The following PRMT8 variants were observed in gnomAD, a reference collection of about 807,000 sequenced individuals.
PRMT8 encodes the protein protein arginine N-methyltransferase 8.
Under a neutral mutation model 47.1 loss-of-function variants are expected in PRMT8, and 7 were observed. The observed-to-expected ratio is 0.15, with a 90% CI of 0.08 to 0.28. The LOEUF (loss-of-function observed/expected upper bound fraction) is 0.28, where lower values mean the gene tolerates loss of function less well. PRMT8 is among the 10% of genes least tolerant of loss of function. The pLI, the probability that PRMT8 is intolerant of heterozygous loss-of-function variation, is 1.00. For synonymous variants in PRMT8, 188 were observed against 186.5 expected (o/e 1.01, Z -0.07); for missense variants, 237 against 505.4 (o/e 0.47, Z 5.09).
rs981024692 is a variant in PRMT8, at chr12:3,592,470, A to G, written c.1101+118A>G. The G allele has an allele frequency of 2.6e-6, 3 of 1,156,764 alleles. No homozygotes were observed. The South Asian group carries it at 4.8e-5, about 19-fold the overall frequency. The allele number at this position is 1,156,764 out of a possible 1,614,324, so 71.7% of individuals were successfully genotyped here. A position where few individuals can be genotyped will look rare whatever the true frequency, so the allele number is the denominator to read the frequency against. On this transcript the variant is annotated intron_variant, in intron 9 of 9. Transcript: ENST00000382622. ...TGAACAGTCAGAAACTTACTGAGGC[A>G]GGCAGTCGGTAGCCACATGTGGACA...
At chr12:3,560,378 T>C (rs1217350856) in intron 4 of PRMT8, among the ~76,000 whole-genome samples, 1 of 152,218 alleles carries the variant, frequency 6.6e-6, no homozygotes, top group African/African-American at 2.4e-5. Context: ...GTTATTCACA[T>C]GTAGACACAC....
rs942413208 is a variant in PRMT8 at position 3,564,842 on chromosome 12, C to A, written c.482-3864C>A. On this transcript the variant is annotated intron_variant, in intron 4 of 9. Coordinates refer to ENST00000382622, the MANE Select transcript of PRMT8 (RefSeq NM_019854.5). This position sits in a 1 kb window ranked among gnomAD's most constrained non-coding sequence, Gnocchi z 4.0. ...AAGGGAAGACTGCTGCTGTGTGTGCCCACACACTTCCTTGAGCCAGCCTAA... is the reference window on the plus strand; with the variant it reads ...AAGGGAAGACTGCTGCTGTGTGTGCACACACACTTCCTTGAGCCAGCCTAA... Among the ~76,000 whole-genome samples the A allele has an allele frequency of 6.6e-6, 1 of 152,220 alleles. No homozygotes were observed.
chr12:3,527,556 A>G (rs1865966113), intron 1 of PRMT8, among the ~76,000 whole-genome samples: 1 of 152,174 alleles, frequency 6.6e-6, no homozygotes, highest in African/African-American at 2.4e-5. Context: ...AGATAAAGGG[A>G]GACTACTGTA....
intron 4 of PRMT8, among the ~76,000 whole-genome samples, chr12:3,560,846 C>A (rs780288689): frequency 2.0e-5 from 3 of 152,074 alleles, no homozygotes; most frequent in Non-Finnish European, 2.9e-5. Flanking sequence ...CTCTATTTGC[C>A]CCCTTTAGAG....
intron 1 of PRMT8, among the ~76,000 whole-genome samples, chr12:3,527,750 A>G (rs950993053): frequency 9.2e-5 from 14 of 152,172 alleles, no homozygotes; most frequent in African/African-American, 3.4e-4. Flanking sequence ...ACATAGAGTT[A>G]CCATTTCCAG....
chr12:3,430,831 T>C (rs1034517350), intron 1 of PRMT8, among the ~76,000 whole-genome samples: 5 of 152,204 alleles, frequency 3.3e-5, no homozygotes, highest in African/African-American at 1.2e-4. Context: ...TGATAGTTGC[T>C]GGAAACACAG....
At chr12:3,521,510 GT>G (rs1371500490) in intron 1 of PRMT8, among the ~76,000 whole-genome samples, 1 of 152,112 alleles carries the variant, frequency 6.6e-6, no homozygotes, top group East Asian at 1.9e-4. Context: ...GAAGGTAGAG[GT>G]TGCAGTCAGC....
chr12:3,444,366 G>A (rs1472964588), intron 1 of PRMT8, among the ~76,000 whole-genome samples: 2 of 152,170 alleles, frequency 1.3e-5, no homozygotes, highest in Non-Finnish European at 2.9e-5. Context: ...AGGAAGAAGG[G>A]GAAGGACACT....
At chr12:3,540,213 C>T (rs1866197176) in intron 1 of PRMT8, among the ~76,000 whole-genome samples, 1 of 152,184 alleles carries the variant, frequency 6.6e-6, no homozygotes, top group South Asian at 2.1e-4. Flanking sequence ...GGATTCAGCT[C>T]CGGAATCTAC....
chr12:3,563,217 C>T (rs1035473987), intron 4 of PRMT8, among the ~76,000 whole-genome samples: 1 of 152,022 alleles, frequency 6.6e-6, no homozygotes, highest in East Asian at 1.9e-4. Context: ...CAGGGAATGG[C>T]TCTGGCAAAG....
intron 1 of PRMT8, among the ~76,000 whole-genome samples, chr12:3,428,131 T>G (rs1235207754): frequency 2.0e-5 from 3 of 152,234 alleles, no homozygotes; most frequent in African/African-American, 7.2e-5. Flanking sequence ...AGGGAGTTCC[T>G]CATAGGTCTG....
At chr12:3,551,686 C>T (rs969458299) in intron 3 of PRMT8, 4 of 152,314 alleles carry the variant, frequency 2.6e-5, no homozygotes, top group Non-Finnish European at 5.9e-5. Flanking sequence ...AATGGCTCCA[C>T]CACATTTAGC....
At chr12:3,475,507 G>T (rs538031499) in intron 1 of PRMT8, among the ~76,000 whole-genome samples, 1 of 152,334 alleles carries the variant, frequency 6.6e-6, no homozygotes, top group Admixed American at 6.5e-5. Context: ...GTTAGAGGGA[G>T]CTCTGGGGAC....
intron 1 of PRMT8, among the ~76,000 whole-genome samples, chr12:3,476,435 A>G (rs1031038390): frequency 9.9e-5 from 15 of 152,234 alleles, no homozygotes; most frequent in African/African-American, 3.4e-4. Context: ...ATTGGCAGGT[A>G]CATAAACAGT....
At chr12:3,399,019 G>A (rs1864292271) in intron 1 of PRMT8, among the ~76,000 whole-genome samples, 1 of 152,190 alleles carries the variant, frequency 6.6e-6, no homozygotes, top group Non-Finnish European at 1.5e-5. Context: ...AGGTTAAGGT[G>A]TCTACTTTCC....
intron 1 of PRMT8, among the ~76,000 whole-genome samples, chr12:3,421,451 C>G (rs1486048492): frequency 6.6e-6 from 1 of 152,184 alleles, no homozygotes; most frequent in Non-Finnish European, 1.5e-5. Flanking sequence ...GGGCTTATAT[C>G]TGTTTGCTTA....
chr12:3,522,525 G>C (rs1041554830), intron 1 of PRMT8, among the ~76,000 whole-genome samples: 9 of 151,918 alleles, frequency 5.9e-5, no homozygotes, highest in Non-Finnish European at 1.5e-5. Flanking sequence ...TTAGCTGGGC[G>C]TGGTGGTGGG....
intron 1 of PRMT8, among the ~76,000 whole-genome samples, chr12:3,386,499 T>C (rs535650421): frequency 8.4e-4 from 128 of 152,332 alleles, no homozygotes; most frequent in Middle Eastern, 6.8e-3. Flanking sequence ...CCTACTGAAG[T>C]CGCCATGTGG....
rs1258565838 is a variant in PRMT8, at chr12:3,436,199, G to A, written c.48+54757G>A. Among the ~76,000 whole-genome samples the A allele has an allele frequency of 6.6e-6, 1 of 152,188 alleles. No homozygotes were observed. Among genetic ancestry groups the A allele is most frequent in the Non-Finnish European group, 1.5e-5 (1 of 68,030 alleles). On this transcript the variant is annotated intron_variant, in intron 1 of 9. Transcript: ENST00000452611. The surrounding 1 kb of genome is among the most constrained non-coding windows in gnomAD (Gnocchi z 4.2). ...TCCCGTTTGTGACCTTGTGAGGATG[G>A]TTAGGATCCAATCACACACTAAGTT...
Sources: gnomAD v4.1 joint callset for allele counts (sites outside exome capture counted in the v4.1 genomes callset) on GRCh38, gnomAD v4.1.1 for gene constraint, Gnocchi (gnomAD v3.1) non-coding constraint, MANE v1.5 for transcripts, NCBI Gene and HGNC (gene_info 2026-07-23, HGNC 2026-07-21) for gene names.